ATG10: variants seen among roughly 807,000 people sequenced by gnomAD.
ATG10 encodes autophagy related 10.
ATG10 carries 30 observed loss-of-function variants against 32.1 expected under a neutral mutation model. The observed-to-expected ratio is 0.94, with a 90% CI of 0.70 to 1.27. The LOEUF is 1.27. Among genes scored for constraint, ATG10 ranks in the 50% most tolerant of loss-of-function variants. The pLI, the probability that ATG10 is intolerant of heterozygous loss-of-function variation, is 0.00. For synonymous variants in ATG10, 87 were observed against 91.5 expected, an observed-to-expected ratio of 0.95 and a Z score of 0.28; for missense variants, 233 against 262.3, an observed-to-expected ratio of 0.89 and a Z score of 0.77.
At chr5:82,197,768 A>G (rs933300645) in intron 5 of ATG10, among the ~76,000 whole-genome samples, 2 of 144,924 alleles carry the variant, frequency 1.4e-5, no homozygotes, top group African/African-American at 2.6e-5. Context: ...CTATCTATCT[A>G]TCTATCTCTA....
intron 3 of ATG10, among the ~76,000 whole-genome samples, chr5:82,117,221 G>C (rs1290278755): frequency 6.6e-6 from 1 of 152,044 alleles, no homozygotes; most frequent in African/African-American, 2.4e-5. Context: ...TATAATGGAA[G>C]CATATGCAAA....
chr5:82,120,946 T>C (rs1459422471), intron 3 of ATG10, among the ~76,000 whole-genome samples: 2 of 152,208 alleles, frequency 1.3e-5, no homozygotes, highest in African/African-American at 2.4e-5. Context: ...GTTGCATTTA[T>C]TTGAAAATCC....
chr5:82,092,416 G>T (rs1764920774), intron 3 of ATG10, among the ~76,000 whole-genome samples: 1 of 152,118 alleles, frequency 6.6e-6, no homozygotes. Flanking sequence ...GTATCTACTG[G>T]TATATAACAA....
At chr5:82,015,612 A>G (rs1272363613) in intron 2 of ATG10, among the ~76,000 whole-genome samples, 1 of 152,120 alleles carries the variant, frequency 6.6e-6, no homozygotes, top group African/African-American at 2.4e-5. Context: ...CTTCCAGTTG[A>G]TCGAATCAGC....
chr5:82,137,223 A>G (rs1766796652), intron 3 of ATG10, among the ~76,000 whole-genome samples: 1 of 152,016 alleles, frequency 6.6e-6, no homozygotes, highest in Non-Finnish European at 1.5e-5. Context: ...AAATTCATCA[A>G]ACTCATTCTC....
chr5:82,170,554 G>A (rs1417136143), intron 4 of ATG10, among the ~76,000 whole-genome samples: 1 of 152,178 alleles, frequency 6.6e-6, no homozygotes, highest in Non-Finnish European at 1.5e-5. Context: ...GGTCCATGAT[G>A]TGGGGATAAT....
intron 3 of ATG10, among the ~76,000 whole-genome samples, chr5:82,064,609 C>A (rs913689002): frequency 6.6e-6 from 1 of 151,904 alleles, no homozygotes; most frequent in African/African-American, 2.4e-5. Context: ...ATTTTAATTC[C>A]CCCAAAATAA....
At chr5:82,172,227 A>G (rs1743836465) in intron 4 of ATG10, among the ~76,000 whole-genome samples, 1 of 152,210 alleles carries the variant, frequency 6.6e-6, no homozygotes, top group African/African-American at 2.4e-5. Flanking sequence ...ATATGCATGT[A>G]TAACTTTACA....
At chr5:82,108,977 A>C (rs1169056721) in intron 3 of ATG10, among the ~76,000 whole-genome samples, 1 of 152,104 alleles carries the variant, frequency 6.6e-6, no homozygotes, top group Non-Finnish European at 1.5e-5. Context: ...CATACTTTAA[A>C]TTTTGGATTT....
At chr5:82,242,314 T>C (rs1278137878) in intron 5 of ATG10, among the ~76,000 whole-genome samples, 1 of 152,082 alleles carries the variant, frequency 6.6e-6, no homozygotes, top group African/African-American at 2.4e-5. Context: ...ATCTGAAGAA[T>C]TGTATATATT....
At chr5:82,007,635 G>A (rs1466885209) in intron 2 of ATG10, among the ~76,000 whole-genome samples, 1 of 152,002 alleles carries the variant, frequency 6.6e-6, no homozygotes, top group Non-Finnish European at 1.5e-5. Context: ...TAATTTTTTT[G>A]TAGAGATGAG....
chr5:82,009,855 C>T, intron 2 of ATG10: 5 of 1,609,120 alleles, frequency 3.1e-6, no homozygotes, highest in Non-Finnish European at 4.3e-6. Context: ...AAATTTCTCC[C>T]CATAGATGGA....
intron 3 of ATG10, among the ~76,000 whole-genome samples, chr5:82,135,373 A>T (rs1214959619): frequency 2.6e-5 from 4 of 152,104 alleles, no homozygotes; most frequent in Non-Finnish European, 5.9e-5. Flanking sequence ...AGTGCTATAA[A>T]TTTTTCTCTA....
At chr5:82,025,589 C>T (rs1056529737) in intron 2 of ATG10, among the ~76,000 whole-genome samples, 2 of 152,088 alleles carry the variant, frequency 1.3e-5, no homozygotes, top group African/African-American at 4.8e-5. Flanking sequence ...ATTACTGTGC[C>T]GTGACATGTT....
intron 1 of ATG10, among the ~76,000 whole-genome samples, chr5:81,983,731 T>G (rs1761153991): frequency 6.8e-6 from 1 of 147,932 alleles, no homozygotes; most frequent in Non-Finnish European, 1.5e-5. Context: ...GCGTAGGGGC[T>G]TCTCACTTCT....
chr5:82,235,220 C>G (rs2150011210), intron 5 of ATG10, among the ~76,000 whole-genome samples: 1 of 152,242 alleles, frequency 6.6e-6, no homozygotes, highest in Non-Finnish European at 1.5e-5. Flanking sequence ...TAGCCTTTTC[C>G]CCTAGGGAAG....
chr5:82,132,563 G>T (rs1766583652), intron 3 of ATG10, among the ~76,000 whole-genome samples: 1 of 151,966 alleles, frequency 6.6e-6, no homozygotes, highest in Non-Finnish European at 1.5e-5. Context: ...CTTCATCCAT[G>T]TCCCTGCAAT....
intron 5 of ATG10, among the ~76,000 whole-genome samples, chr5:82,229,112 G>C (rs912139112): frequency 6.6e-6 from 1 of 152,204 alleles, no homozygotes. Context: ...CCTTTGTAGG[G>C]ATGCTGGATT....
chr5:82,124,944 A>G (rs938767187), intron 3 of ATG10, among the ~76,000 whole-genome samples: 1 of 152,164 alleles, frequency 6.6e-6, no homozygotes, highest in Non-Finnish European at 1.5e-5. Flanking sequence ...CATCCTCTCC[A>G]GCATCTGTTG....
Sources: allele counts gnomAD v4.1 joint callset (sites outside exome capture counted in the v4.1 genomes callset), GRCh38; gene constraint gnomAD v4.1.1; transcripts MANE v1.5; gene names NCBI Gene and HGNC (gene_info 2026-07-23, HGNC 2026-07-21).